The following SYNDIG1 variants were observed in gnomAD, a reference collection of about 807,000 sequenced individuals.
The protein encoded by SYNDIG1 is synapse differentiation inducing 1.
In SYNDIG1, 9 loss-of-function variants were observed where a neutral mutation model predicts 19.4. The observed-to-expected ratio is 0.46, with a 90% CI of 0.28 to 0.81. The LOEUF (loss-of-function observed/expected upper bound fraction) is 0.81. Among genes scored for constraint, SYNDIG1 ranks in the 30% least tolerant of loss-of-function variants. SYNDIG1 has a pLI of 0.12. For missense variants in SYNDIG1, 311 were observed against 343.3 expected (o/e 0.91, Z 0.74); for synonymous variants, 141 against 145.9 (o/e 0.97, Z 0.24).
intron 3 of SYNDIG1, among the ~76,000 whole-genome samples, chr20:24,614,292 C>G (rs1481838875): frequency 6.6e-6 from 1 of 152,256 alleles, no homozygotes; most frequent in South Asian, 2.1e-4. Context: ...GCATGAGCCA[C>G]TGCACCCAGC....
chr20:24,530,804 GT>G lies in SYNDIG1; in HGVS notation c.-78-12210del, dbSNP rs199615273. On this transcript the variant is annotated intron_variant, in intron 1 of 3. Transcript: ENST00000376862. Reference sequence around the variant, plus strand: ...GGGGTTTTGTTTGTTTGTTTTTTGGGTTTTTTGTTTTTTTTTTTTTCGGAGA... The same window carrying G: ...GGGGTTTTGTTTGTTTGTTTTTTGGGTTTTTGTTTTTTTTTTTTTCGGAGA... Among the ~76,000 whole-genome samples, 6 of 149,254 alleles carry G rather than the reference GT, an allele frequency of 4.0e-5. No homozygotes were observed. In the East Asian group the frequency reaches 1.2e-3, roughly 29 times the overall value.
chr20:24,565,503 T>C (rs2058027819), intron 2 of SYNDIG1, among the ~76,000 whole-genome samples: 1 of 152,198 alleles, frequency 6.6e-6, no homozygotes, highest in Non-Finnish European at 1.5e-5. Context: ...GCAAAGCATG[T>C]AGTGTTCTTC....
intron 1 of SYNDIG1, among the ~76,000 whole-genome samples, chr20:24,535,900 G>C (rs894703248): frequency 2.4e-4 from 37 of 152,026 alleles, no homozygotes; most frequent in African/African-American, 8.9e-4. Context: ...CTTTCACTGG[G>C]GTACTGACTT....
chr20:24,510,227 T>C (rs1289674969), intron 1 of SYNDIG1, among the ~76,000 whole-genome samples: 4 of 152,198 alleles, frequency 2.6e-5, no homozygotes, highest in Non-Finnish European at 4.4e-5. Flanking sequence ...GTTGCTGTTG[T>C]TGAGAAACCT....
intron 1 of SYNDIG1, among the ~76,000 whole-genome samples, chr20:24,536,716 T>C (rs2057369005): frequency 3.9e-5 from 6 of 152,178 alleles, no homozygotes; most frequent in Admixed American, 3.9e-4. Context: ...ACTGCCAGCA[T>C]GGTCTCAGGC....
chr20:24,631,024 G>T (rs2059234581), intron 3 of SYNDIG1, among the ~76,000 whole-genome samples: 1 of 152,254 alleles, frequency 6.6e-6, no homozygotes, highest in Non-Finnish European at 1.5e-5. Flanking sequence ...AACTGAGGCG[G>T]TCATAGACAC....
chr20:24,609,877 G>A (rs2058819536), intron 3 of SYNDIG1, among the ~76,000 whole-genome samples: 1 of 152,002 alleles, frequency 6.6e-6, no homozygotes, highest in South Asian at 2.1e-4. Flanking sequence ...TTCCAGACAT[G>A]CCTGCACCCC....
At chr20:24,551,407 C>T (rs544124438) in intron 2 of SYNDIG1, among the ~76,000 whole-genome samples, 1 of 152,200 alleles carries the variant, frequency 6.6e-6, no homozygotes, top group East Asian at 1.9e-4. Context: ...AGAAATTGAT[C>T]ATTTTTTGGA....
At chr20:24,580,808 T>C (rs367594157) in intron 2 of SYNDIG1, among the ~76,000 whole-genome samples, 2 of 152,184 alleles carry the variant, frequency 1.3e-5, no homozygotes, top group South Asian at 2.1e-4. Flanking sequence ...TTTATGCTTC[T>C]AAATTAAAAT....
intron 3 of SYNDIG1, among the ~76,000 whole-genome samples, chr20:24,646,071 C>A (rs2059419998): frequency 6.6e-6 from 1 of 152,208 alleles, no homozygotes; most frequent in African/African-American, 2.4e-5. Context: ...GCCCCCAGTT[C>A]ACATCTGAGC....
At chr20:24,481,001 T>C (rs568173960) in intron 1 of SYNDIG1, among the ~76,000 whole-genome samples, 23 of 152,194 alleles carry the variant, frequency 1.5e-4, no homozygotes, top group African/African-American at 4.3e-4. Context: ...GTTTAAAGGG[T>C]ATAGAGTTGC....
chr20:24,551,009 T>A (rs2146794070), intron 2 of SYNDIG1, among the ~76,000 whole-genome samples: 1 of 152,354 alleles, frequency 6.6e-6, no homozygotes, highest in South Asian at 2.1e-4. Context: ...AGTATGAAGG[T>A]AATATTGGCT....
At chr20:24,538,754 C>T (rs969654359) in intron 1 of SYNDIG1, among the ~76,000 whole-genome samples, 4 of 144,982 alleles carry the variant, frequency 2.8e-5, no homozygotes, top group East Asian at 2.1e-4. Flanking sequence ...CACATCCTCA[C>T]CAACACTTGT....
chr20:24,477,394 C>T (rs1421073476), intron 1 of SYNDIG1, among the ~76,000 whole-genome samples: 1 of 152,076 alleles, frequency 6.6e-6, no homozygotes, highest in Non-Finnish European at 1.5e-5. Context: ...CCTCCCTAAG[C>T]TTTCCTGCAT....
intron 1 of SYNDIG1, among the ~76,000 whole-genome samples, chr20:24,526,070 A>G (rs2057117091): frequency 6.6e-6 from 1 of 152,104 alleles, no homozygotes; most frequent in African/African-American, 2.4e-5. Flanking sequence ...CCTTGTATAT[A>G]TGTTTTCCAT....
chr20:24,577,038 C>G (rs534616969), intron 2 of SYNDIG1, among the ~76,000 whole-genome samples: 1 of 152,172 alleles, frequency 6.6e-6, no homozygotes, highest in East Asian at 1.9e-4. Context: ...AAACTGCTAC[C>G]TAGGAGGAAA....
chr20:24,556,197 G>A (rs2057812559), intron 2 of SYNDIG1, among the ~76,000 whole-genome samples: 1 of 152,076 alleles, frequency 6.6e-6, no homozygotes. Context: ...GCCTACTTGT[G>A]TCTCTGCACG....
At chr20:24,563,809 C>A (rs190348535) in intron 2 of SYNDIG1, among the ~76,000 whole-genome samples, 359 of 152,222 alleles carry the variant, frequency 2.4e-3, no homozygotes, top group Middle Eastern at 3.4e-3. Context: ...GTCTGTGTTA[C>A]CCAGGCTGAT....
At chr20:24,638,950 G>A (rs2059344912) in intron 3 of SYNDIG1, among the ~76,000 whole-genome samples, 2 of 152,176 alleles carry the variant, frequency 1.3e-5, no homozygotes, top group African/African-American at 2.4e-5. Context: ...TGCTGAGATG[G>A]CAACCTGGAC....
Sources: gnomAD v4.1 joint callset for allele counts (sites outside exome capture counted in the v4.1 genomes callset) on GRCh38, gnomAD v4.1.1 for gene constraint, MANE v1.5 for transcripts, NCBI Gene and HGNC (gene_info 2026-07-23, HGNC 2026-07-21) for gene names.